The following GTF2E2 variants were observed in gnomAD, a reference collection of about 807,000 sequenced individuals.
The protein encoded by GTF2E2 is general transcription factor IIE subunit 2.
Under a neutral mutation model 40.5 loss-of-function variants are expected in GTF2E2, and 21 were observed. That is an observed-to-expected ratio of 0.52 (90% CI 0.37 to 0.75). The LOEUF (loss-of-function observed/expected upper bound fraction) is 0.75. GTF2E2 is among the 30% of genes least tolerant of loss of function. The probability of loss-of-function intolerance (pLI) is 0.00; values close to 1 mark genes in which losing one functional copy is unlikely to be tolerated. For missense variants in GTF2E2, 298 were observed against 338.4 expected, an observed-to-expected ratio of 0.88 and a Z score of 0.94; for synonymous variants, 117 against 121.6, an observed-to-expected ratio of 0.96 and a Z score of 0.25.
At position 30,580,268 on chromosome 8, in the gene GTF2E2, A is replaced by C; in HGVS notation, c.759+13T>G. 6.4e-4 allele frequency: 870 copies of C among 1,368,236 alleles called. No homozygotes were observed. The highest frequency in any genetic ancestry group is 8.3e-4 in the Non-Finnish European group (791 of 955,742). 84.8% of individuals were successfully genotyped at this position (1,368,236 alleles called of 1,614,324 possible). A position where few individuals can be genotyped will look rare whatever the true frequency, so the allele number is the denominator to read the frequency against. On this transcript the variant is annotated intron_variant, in intron 7 of 7. Coordinates refer to ENST00000355904, the MANE Select transcript of GTF2E2 (RefSeq NM_002095.6). ...GGGCAGGGGATTAAGCTGCTTTGCTAGAGATTACGCACCACTTTCTTTGGT... is the reference window on the plus strand; with the variant it reads ...GGGCAGGGGATTAAGCTGCTTTGCTCGAGATTACGCACCACTTTCTTTGGT...
chr8:30,625,570 G>C (rs1801247068), intron 3 of GTF2E2, among the ~76,000 whole-genome samples: 1 of 151,538 alleles, frequency 6.6e-6, no homozygotes, highest in South Asian at 2.1e-4. Flanking sequence ...GTGGCAGTGT[G>C]CAAGTAGGGC....
chr8:30,653,571 C>T lies in GTF2E2; in HGVS notation c.28G>A (p.Glu10Lys). MDPSLLRER[E>K]LFKKRALSTP... Reference sequence around the variant, plus strand: ...GAAAGAGCTCGTTTTTTGAACAGCTCCCTTTCTCTCAACAGGCTTGGATCC... The same window carrying T: ...GAAAGAGCTCGTTTTTTGAACAGCTTCCTTTCTCTCAACAGGCTTGGATCC... Residue 10 changes from glutamate to lysine, a missense_variant, in exon 2 of 8, where the codon GAG becomes AAG. By Grantham distance (56) the Glu-to-Lys change is moderately conservative. Coordinates refer to ENST00000355904, the MANE Select transcript of GTF2E2 (RefSeq NM_002095.6). 1 of 1,613,096 alleles carries T rather than the reference C, an allele frequency of 6.2e-7. No individual in the cohort carries two copies. Among genetic ancestry groups the T allele is most frequent in the East Asian group, 2.2e-5 (1 of 44,854 alleles).
At chr8:30,593,948 C>T (rs532928129) in intron 6 of GTF2E2, among the ~76,000 whole-genome samples, 2 of 151,684 alleles carry the variant, frequency 1.3e-5, no homozygotes, top group South Asian at 2.1e-4. Flanking sequence ...ATCTTTCTTT[C>T]GAGATGGAGT....
intron 2 of GTF2E2, 125 bp downstream of exon 2, chr8:30,653,308 C>CT (rs2128731018): frequency 1.4e-6 from 1 of 698,434 alleles, no homozygotes; most frequent in African/African-American, 1.8e-5. Flanking sequence ...TTGTCCCATC[C>CT]TTTATATTCA....
chr8:30,613,529 A>C (rs1475194727), intron 4 of GTF2E2, among the ~76,000 whole-genome samples: 1 of 152,236 alleles, frequency 6.6e-6, no homozygotes, highest in Non-Finnish European at 1.5e-5. Flanking sequence ...AAAAGGGAGA[A>C]TAGAATAGTA....
chr8:30,592,727 T>C (rs1828886655), intron 6 of GTF2E2, among the ~76,000 whole-genome samples: 1 of 152,226 alleles, frequency 6.6e-6, no homozygotes, highest in African/African-American at 2.4e-5. Flanking sequence ...TCTGTATGTG[T>C]TTAATAAAGA....
At chr8:30,609,433 G>C (rs1829421152) in intron 5 of GTF2E2, among the ~76,000 whole-genome samples, 1 of 151,890 alleles carries the variant, frequency 6.6e-6, no homozygotes, top group Non-Finnish European at 1.5e-5. Flanking sequence ...TTACAGATAA[G>C]GGACAGTCAA....
At chr8:30,603,505 G>C (rs1372765476) in intron 6 of GTF2E2, among the ~76,000 whole-genome samples, 3 of 152,050 alleles carry the variant, frequency 2.0e-5, no homozygotes, top group Non-Finnish European at 4.4e-5. Context: ...TGGGAATAAA[G>C]CCAGACATCA....
chr8:30,614,751 T>C (rs1199375351), intron 3 of GTF2E2, 36 bp from the exon 4 acceptor site: 8 of 1,196,432 alleles, frequency 6.7e-6, no homozygotes, highest in Admixed American at 1.8e-5. Context: ...GAAGACAGTT[T>C]CAAAATGCTA....
rs1203810127 is a variant in GTF2E2 at position 30,612,496 on chromosome 8, C to T, written c.367-15G>A. ...TTGACTAAAGCCTGTAACAGTGATA[C>T]AATTGGAATATATTAACAAATGGAA... On this transcript the variant is annotated splice_polypyrimidine_tract_variant and intron_variant, in intron 4 of 7. Transcript: ENST00000355904. 1.4e-6 allele frequency: 2 copies of T among 1,471,162 alleles called. No individual in the cohort carries two copies. Among genetic ancestry groups the T allele is most frequent in the Non-Finnish European group, 1.9e-6 (2 of 1,059,758 alleles). The allele number at this position is 1,471,162 out of a possible 1,614,324, so 91.1% of individuals were successfully genotyped here.
intron 2 of GTF2E2, among the ~76,000 whole-genome samples, chr8:30,650,239 C>G (rs999467274): frequency 6.6e-6 from 1 of 151,962 alleles, no homozygotes; most frequent in Non-Finnish European, 1.5e-5. Flanking sequence ...TACACCATAA[C>G]CAAGTAGGAT....
intron 3 of GTF2E2, among the ~76,000 whole-genome samples, chr8:30,633,752 A>C (rs938973504): frequency 1.3e-5 from 2 of 152,228 alleles, no homozygotes; most frequent in African/African-American, 4.8e-5. Context: ...TAGTGCCCTA[A>C]ACAGCCAATA....
chr8:30,582,314 C>A (rs908693872), intron 6 of GTF2E2, among the ~76,000 whole-genome samples: 13 of 152,164 alleles, frequency 8.5e-5, no homozygotes, highest in African/African-American at 3.1e-4. Context: ...GTCGAGCCAC[C>A]ATGTCTGGCC....
intron 2 of GTF2E2, 106 bp downstream of exon 2, chr8:30,653,322 AAGTGC>A (rs748140994): frequency 2.7e-6 from 2 of 737,506 alleles, no homozygotes; most frequent in Non-Finnish European, 4.6e-6. Flanking sequence ...ATATTCAACA[AAGTGC>A]CTATCAACAT....
At position 30,614,479 on chromosome 8, in the gene GTF2E2, C is replaced by T. The variant is rs552879603; in HGVS notation, c.366+129G>A. Reference sequence around the variant, plus strand: ...CCTGTAGTCCCAACTACTCGGGAGGCTGAGTCAGCAGTGGGCTGAGATCAT... The same window carrying T: ...CCTGTAGTCCCAACTACTCGGGAGGTTGAGTCAGCAGTGGGCTGAGATCAT... On this transcript the variant is annotated intron_variant, in intron 4 of 7. Transcript: ENST00000355904. The T allele has an allele frequency of 1.3e-5, 7 of 557,132 alleles. No homozygotes were observed. In the South Asian group the frequency reaches 1.6e-4, roughly 13 times the overall value. The allele number at this position is 557,132 out of a possible 1,614,324, so 34.5% of individuals were successfully genotyped here. A position where few individuals can be genotyped will look rare whatever the true frequency, so the allele number is the denominator to read the frequency against.
intron 3 of GTF2E2, among the ~76,000 whole-genome samples, chr8:30,630,013 AG>A (rs1398561401): frequency 1.3e-5 from 2 of 152,234 alleles, no homozygotes; most frequent in Non-Finnish European, 2.9e-5. Context: ...AGGCATCCTA[AG>A]GGGATTTTCG....
intron 5 of GTF2E2, among the ~76,000 whole-genome samples, chr8:30,611,427 CT>C: frequency 6.6e-6 from 1 of 152,030 alleles, no homozygotes; most frequent in East Asian, 1.9e-4. Flanking sequence ...AGAAATCATA[CT>C]TAAGGGTGTA....
chr8:30,581,795 T>C (rs1332061723), intron 6 of GTF2E2, among the ~76,000 whole-genome samples: 1 of 152,112 alleles, frequency 6.6e-6, no homozygotes, highest in Non-Finnish European at 1.5e-5. Context: ...ATTTCCATCT[T>C]GTTTCCATGA....
intron 3 of GTF2E2, among the ~76,000 whole-genome samples, chr8:30,617,576 T>C (rs747320828): frequency 1.3e-5 from 2 of 152,012 alleles, no homozygotes; most frequent in Non-Finnish European, 2.9e-5. Context: ...ACTCTGACTC[T>C]ACCAAAAAAT....
Sources: gnomAD v4.1 joint callset for allele counts (sites outside exome capture counted in the v4.1 genomes callset) on GRCh38, gnomAD v4.1.1 for gene constraint, MANE v1.5 for transcripts, NCBI Gene and HGNC (gene_info 2026-07-23, HGNC 2026-07-21) for gene names.